The following RPL28 variants were observed in gnomAD, a reference collection of about 807,000 sequenced individuals.
RPL28 encodes the protein ribosomal protein L28.
Under a neutral mutation model 12.5 loss-of-function variants are expected in RPL28, and 4 were observed. The observed-to-expected ratio is 0.32, with a 90% CI of 0.16 to 0.73. RPL28 has a LOEUF of 0.73. Among genes scored for constraint, RPL28 ranks in the 30% least tolerant of loss-of-function variants. The pLI, the probability that RPL28 is intolerant of heterozygous loss-of-function variation, is 0.66. For missense variants in RPL28, 214 were observed against 197.7 expected, an observed-to-expected ratio of 1.08 and a Z score of -0.49; for synonymous variants, 91 against 72.5, an observed-to-expected ratio of 1.26 and a Z score of -1.30.
chr19:55,401,857 C>A, intron 4 of RPL28: 1 of 1,308,838 alleles, frequency 7.6e-7, no homozygotes, highest in Non-Finnish European at 1.1e-6. Context: ...GCTGTTCCTT[C>A]TGCTCCCAAC....
At chr19:55,402,825 T>C in intron 4 of RPL28, 5 of 811,192 alleles carry the variant, frequency 6.2e-6, no homozygotes, top group Non-Finnish European at 7.6e-6. Flanking sequence ...GTTTGGGGTC[T>C]GTTTACCTTG....
Position 55,391,591 on chromosome 19 carries a change from C to G in RPL28, c.*3259C>G, listed in dbSNP as rs112979537. Reference sequence around the variant, plus strand: ...TCTACTGGGTCAGGGCTCTGCTGCTCGGTGGCTGTGCAACCTTGGGCAAGT... The same window carrying G: ...TCTACTGGGTCAGGGCTCTGCTGCTGGGTGGCTGTGCAACCTTGGGCAAGT... On this transcript the variant is annotated 3_prime_UTR_variant, in exon 5 of 5. Coordinates refer to ENST00000344063, the MANE Select transcript of RPL28 (RefSeq NM_000991.5). The G allele has an allele frequency of 1.9e-6, 3 of 1,548,642 alleles. No individual in the cohort carries two copies. In the African/African-American group the frequency reaches 4.1e-5, roughly 21 times the overall value.
chr19:55,392,428 TCA>T (rs2089997254), downstream of RPL28, among the ~76,000 whole-genome samples: 2 of 152,210 alleles, frequency 1.3e-5, no homozygotes, highest in Non-Finnish European at 2.9e-5. Context: ...AGACAGGGTC[TCA>T]CTGTGTTGCC....
At chr19:55,386,168 C>T (rs1473317642) in intron 1 of RPL28, 182 bp from the exon 2 acceptor site, 3 of 600,730 alleles carry the variant, frequency 5.0e-6, no homozygotes, top group Non-Finnish European at 8.9e-6. Flanking sequence ...AATTCGGTCC[C>T]GCCGCCTTAG....
chr19:55,400,665 C>G (rs2090050615), intron 4 of RPL28: 1 of 152,242 alleles, frequency 6.6e-6, no homozygotes, highest in Non-Finnish European at 1.5e-5. Flanking sequence ...GACTAAGGAA[C>G]ACCAACAACC....
chr19:55,392,388 G>C (rs556894823), downstream of RPL28, among the ~76,000 whole-genome samples: 8 of 152,052 alleles, frequency 5.3e-5, no homozygotes, highest in Non-Finnish European at 8.8e-5. Context: ...GCAGCACCAC[G>C]CCTGGCTAAT....
chr19:55,386,893 A>C (rs1271575324), intron 3 of RPL28, 200 bp downstream of exon 3: 2 of 1,516,434 alleles, frequency 1.3e-6, no homozygotes, highest in African/African-American at 2.8e-5. Flanking sequence ...CCGTGTCCTC[A>C]CCTGTAAAGT....
chr19:55,396,791 AGGATGTTCTCGATCTCCT>A (rs1427502899), downstream of RPL28, among the ~76,000 whole-genome samples: 1 of 150,228 alleles, frequency 6.7e-6, no homozygotes, highest in Non-Finnish European at 1.5e-5. Flanking sequence ...CGTGTTAGCC[AGGATGTTCTCGATCTCCT>A]GACCTTGTGA....
intron 4 of RPL28, chr19:55,401,551 G>A: frequency 6.2e-7 from 1 of 1,610,416 alleles, no homozygotes; most frequent in South Asian, 1.1e-5. Context: ...CGGGCCCCCT[G>A]GGGCCCCAGG....
chr19:55,400,751 GA>G (rs1445629838), intron 4 of RPL28: 2 of 152,372 alleles, frequency 1.3e-5, no homozygotes, highest in South Asian at 2.1e-4. Context: ...CACAAAGTCT[GA>G]AGTGGGTGTT....
At chr19:55,387,304 C>T in intron 3 of RPL28, 2 of 1,551,670 alleles carry the variant, frequency 1.3e-6, no homozygotes, top group Admixed American at 2.0e-5. Flanking sequence ...TTCTCAGGTC[C>T]TTGATTGGAA....
intron 3 of RPL28, chr19:55,387,197 T>C: frequency 7.2e-7 from 1 of 1,393,436 alleles, no homozygotes. Flanking sequence ...TTTTTGGGGA[T>C]TCCCTGAATG....
rs2089960161 is a variant in RPL28 at position 55,388,662 on chromosome 19, A to G, written c.*330A>G. 1.1e-5 allele frequency: 13 copies of G among 1,135,770 alleles called. No individual in the cohort carries two copies. In the South Asian group the frequency reaches 4.7e-4, roughly 41 times the overall value. The allele number at this position is 1,135,770 out of a possible 1,614,324, so 70.4% of individuals were successfully genotyped here. On this transcript the variant is annotated 3_prime_UTR_variant, in exon 5 of 5. Transcript: ENST00000344063. ...CAGTGGCTTCCATTCAGAAGAAGAA[A>G]GGCCTTTTCTAGCCCAGAAGGGTGC...
downstream of RPL28, among the ~76,000 whole-genome samples, chr19:55,392,671 C>T (rs2089998987): frequency 6.6e-6 from 1 of 151,954 alleles, no homozygotes; most frequent in African/African-American, 2.4e-5. Context: ...GGACTACAGG[C>T]GCCCGCCACC....
Position 55,389,023 on chromosome 19 carries a change from A to G in RPL28, c.*691A>G, listed in dbSNP as rs770696793. 2.5e-5 allele frequency: 25 copies of G among 985,196 alleles called. No individual in the cohort carries two copies. Among genetic ancestry groups the G allele is most frequent in the Non-Finnish European group, 3.0e-5 (25 of 829,914 alleles). 61.0% of individuals were successfully genotyped at this position (985,196 alleles called of 1,614,324 possible). ...CTGTCTCTTTGAGCTGGCTCTTGTC[A>G]CTTAGGTCTCATCTCAGTGGCCGCT... On this transcript the variant is annotated 3_prime_UTR_variant, in exon 5 of 5. Coordinates refer to ENST00000344063, the MANE Select transcript of RPL28 (RefSeq NM_000991.5).
At position 55,389,929 on chromosome 19, in the gene RPL28, C is replaced by G; in HGVS notation, c.*1597C>G. 5.1e-6 allele frequency: 5 copies of G among 985,546 alleles called. No homozygotes were observed. Among genetic ancestry groups the G allele is most frequent in the Non-Finnish European group, 6.0e-6 (5 of 829,984 alleles). The allele number at this position is 985,546 out of a possible 1,614,324, so 61.1% of individuals were successfully genotyped here. ...GTCCCAGTCCCACTCAGGCCCATCT[C>G]TGGCTGGCCTCACTGCGCTGGGACT... is the stretch of plus-strand genomic sequence containing the variant. On this transcript the variant is annotated 3_prime_UTR_variant, in exon 5 of 5. Transcript: ENST00000344063.
downstream of RPL28, among the ~76,000 whole-genome samples, chr19:55,395,700 C>A (rs1296181618): frequency 6.6e-6 from 1 of 151,972 alleles, no homozygotes; most frequent in Non-Finnish European, 1.5e-5. Flanking sequence ...ACCTTGGCCT[C>A]CCAAAGTGCT....
chr19:55,401,803 T>C, intron 4 of RPL28: 2 of 1,607,594 alleles, frequency 1.2e-6, no homozygotes, highest in Non-Finnish European at 1.7e-6. Context: ...TCGGGCAACC[T>C]ACAGGGACCC....
In RPL28 at chr19:55,388,256, G is replaced by A. The variant is rs1431039633; in HGVS notation, c.338G>A (p.Arg113Lys). ...RPDLRMAAIR[R>K]ASAILRSQKP... ...CCCCGCCCCCAGGCAGCCATCCGCAGGGCCAGCGCCATCCTGCGCAGCCAG... is the reference window on the plus strand; with the variant it reads ...CCCCGCCCCCAGGCAGCCATCCGCAAGGCCAGCGCCATCCTGCGCAGCCAG... The change falls in exon 5 of 5, where the codon AGG (arginine) becomes AAG (lysine). Residue 113 changes from arginine to lysine, a missense_variant. Coordinates refer to ENST00000344063, the MANE Select transcript of RPL28 (RefSeq NM_000991.5). 3 of 1,562,816 alleles carry A rather than the reference G, an allele frequency of 1.9e-6. No homozygotes were observed. Among genetic ancestry groups the A allele is most frequent in the Non-Finnish European group, 1.7e-6 (2 of 1,156,098 alleles).
Sources: allele counts gnomAD v4.1 joint callset (sites outside exome capture counted in the v4.1 genomes callset), GRCh38; gene constraint gnomAD v4.1.1; transcripts MANE v1.5; gene names NCBI Gene and HGNC (gene_info 2026-07-23, HGNC 2026-07-21).